SLC35F1: variants seen among roughly 807,000 people sequenced by gnomAD.
The protein encoded by SLC35F1 is chromosome 6 open reading frame 169.
A neutral mutation model predicts 48.7 loss-of-function variants in SLC35F1; 14 were observed. That is an observed-to-expected ratio of 0.29 (90% CI 0.19 to 0.45). The LOEUF (loss-of-function observed/expected upper bound fraction) is 0.45. Ranked by LOEUF, SLC35F1 falls within the 20% of genes least tolerant of loss-of-function variation. SLC35F1 has a pLI of 1.00. For synonymous variants in SLC35F1, 190 were observed against 202.2 expected (o/e 0.94, Z 0.51); for missense variants, 404 against 500.0 (o/e 0.81, Z 1.83).
At chr6:118,089,927 A>G (rs998961370) in intron 1 of SLC35F1, among the ~76,000 whole-genome samples, 2 of 152,250 alleles carry the variant, frequency 1.3e-5, no homozygotes, top group African/African-American at 4.8e-5. Context: ...AAAAGCTATA[A>G]TGGTCCCATA....
At chr6:118,289,469 T>A (rs1776090935) in intron 7 of SLC35F1, among the ~76,000 whole-genome samples, 1 of 152,202 alleles carries the variant, frequency 6.6e-6, no homozygotes. Flanking sequence ...GCAATATATA[T>A]CCATTGTAAG....
chr6:118,052,242 A>G (rs1483020174), intron 1 of SLC35F1, among the ~76,000 whole-genome samples: 1 of 152,136 alleles, frequency 6.6e-6, no homozygotes, highest in African/African-American at 2.4e-5. Flanking sequence ...ACAACTCACC[A>G]TGTAAAAAGA....
intron 2 of SLC35F1, among the ~76,000 whole-genome samples, chr6:118,177,466 A>T (rs1312756898): frequency 6.6e-6 from 1 of 152,152 alleles, no homozygotes; most frequent in Non-Finnish European, 1.5e-5. Context: ...CCTTCCTGCT[A>T]CATGGAATAG....
intron 1 of SLC35F1, 108 bp downstream of exon 1, chr6:117,908,007 C>G (rs1775715529): frequency 1.8e-6 from 2 of 1,095,996 alleles, no homozygotes; most frequent in East Asian, 6.8e-5. Context: ...GACGGGGTTG[C>G]GGCCGGAGGA....
intron 1 of SLC35F1, among the ~76,000 whole-genome samples, chr6:118,116,103 G>A (rs1037790250): frequency 1.3e-5 from 2 of 152,168 alleles, no homozygotes; most frequent in African/African-American, 4.8e-5. Flanking sequence ...ATTTCAAACT[G>A]TCCTTTTGTA....
chr6:118,055,759 T>C (rs559390270), intron 1 of SLC35F1, among the ~76,000 whole-genome samples: 2 of 152,302 alleles, frequency 1.3e-5, no homozygotes, highest in South Asian at 4.1e-4. Context: ...TTAACCCAAC[T>C]GCAAGGAAGA....
At position 117,923,646 on chromosome 6, in the gene SLC35F1, C is replaced by CATATATACATATGTAT. The variant is rs1178826026; in HGVS notation, c.173+15751_173+15752insATACATATGTATATAT. On this transcript the variant is annotated intron_variant, in intron 1 of 7. Coordinates refer to ENST00000360388, the MANE Select transcript of SLC35F1 (RefSeq NM_001029858.4). ...ATATATACATATATGTACATATGTA[C>CATATATACATATGTAT]ATATGTACATATGTATATATACATA... Among the ~76,000 whole-genome samples, 4 of 102,010 alleles carry CATATATACATATGTAT rather than the reference C, an allele frequency of 3.9e-5. 1 individual carries two copies. Among genetic ancestry groups the CATATATACATATGTAT allele is most frequent in the Non-Finnish European group, 7.6e-5 (4 of 52,478 alleles). 66.9% of individuals were successfully genotyped at this position (102,010 alleles called of 152,430 possible).
At chr6:118,269,596 T>TA (rs1293536480) in intron 4 of SLC35F1, among the ~76,000 whole-genome samples, 1 of 152,192 alleles carries the variant, frequency 6.6e-6, no homozygotes, top group African/African-American at 2.4e-5. Flanking sequence ...AATAGAATCC[T>TA]AAAATTGTTA....
chr6:118,051,384 C>T (rs1772388944), intron 1 of SLC35F1, among the ~76,000 whole-genome samples: 1 of 152,080 alleles, frequency 6.6e-6, no homozygotes, highest in Admixed American at 6.6e-5. Context: ...TTGCTCAGTA[C>T]CTCACTGAAT....
intron 1 of SLC35F1, among the ~76,000 whole-genome samples, chr6:117,991,771 A>G (rs1417445383): frequency 6.6e-6 from 1 of 152,220 alleles, no homozygotes; most frequent in Non-Finnish European, 1.5e-5. Context: ...GGAATAAAAA[A>G]CTTGTCTCAC....
intron 1 of SLC35F1, among the ~76,000 whole-genome samples, chr6:118,065,528 A>T (rs1427750088): frequency 1.3e-5 from 2 of 152,188 alleles, no homozygotes; most frequent in Non-Finnish European, 2.9e-5. Context: ...ACATGTACCA[A>T]CATATCACAT....
intron 2 of SLC35F1, among the ~76,000 whole-genome samples, chr6:118,156,962 G>T (rs1290354206): frequency 1.3e-5 from 2 of 152,092 alleles, no homozygotes; most frequent in Admixed American, 1.3e-4. Flanking sequence ...GGCTAAAAAA[G>T]CTTAGAAGAT....
At chr6:118,185,748 CT>C (rs1348422303) in intron 2 of SLC35F1, among the ~76,000 whole-genome samples, 5 of 152,128 alleles carry the variant, frequency 3.3e-5, no homozygotes, top group African/African-American at 1.2e-4. Flanking sequence ...GCCACAGTCT[CT>C]GTTACTCATC....
intron 1 of SLC35F1, among the ~76,000 whole-genome samples, chr6:118,114,722 C>G (rs1364028803): frequency 6.6e-6 from 1 of 152,162 alleles, no homozygotes; most frequent in Admixed American, 6.5e-5. Flanking sequence ...GAAACTCTTT[C>G]AACTCTTGCC....
intron 1 of SLC35F1, among the ~76,000 whole-genome samples, chr6:117,950,184 A>C (rs183702560): frequency 6.6e-6 from 1 of 152,114 alleles, no homozygotes; most frequent in African/African-American, 2.4e-5. Flanking sequence ...GATCTTTCAC[A>C]TTCTTTCCTA....
In SLC35F1 at chr6:118,230,348, A is replaced by C. The variant is rs924201306; in HGVS notation, c.350-5161A>C. On this transcript the variant is annotated intron_variant, in intron 2 of 7. Coordinates refer to ENST00000360388, the MANE Select transcript of SLC35F1 (RefSeq NM_001029858.4). Reference sequence around the variant, plus strand: ...AGCAAGACTCCATCTACAAAAAAAAAAAAGAAGAAAAACAAGAAATATATG... The same window carrying C: ...AGCAAGACTCCATCTACAAAAAAAACAAAGAAGAAAAACAAGAAATATATG... Among the ~76,000 whole-genome samples, 6 of 152,162 alleles carry C rather than the reference A, an allele frequency of 3.9e-5. No individual in the cohort carries two copies. The East Asian group carries it at 9.6e-4, about 24-fold the overall frequency.
At chr6:117,924,111 G>T (rs1235998848) in intron 1 of SLC35F1, among the ~76,000 whole-genome samples, 1 of 101,330 alleles carries the variant, frequency 9.9e-6, no homozygotes, top group Non-Finnish European at 1.9e-5. Flanking sequence ...ACATGCATAT[G>T]TATATACACA....
At chr6:118,277,438 G>A in intron 5 of SLC35F1, 56 bp from the exon 6 acceptor site, 1 of 1,449,618 alleles carries the variant, frequency 6.9e-7, no homozygotes, top group Non-Finnish European at 9.7e-7. Flanking sequence ...AAGAAAGAAA[G>A]AAAGTAGAGT....
chr6:118,002,005 A>G (rs914174786), intron 1 of SLC35F1, among the ~76,000 whole-genome samples: 21 of 146,096 alleles, frequency 1.4e-4, no homozygotes, highest in African/African-American at 5.3e-4. Context: ...TGTTGGTGGG[A>G]CTGTAAACTA....
Sources: allele counts gnomAD v4.1 joint callset (sites outside exome capture counted in the v4.1 genomes callset), GRCh38; gene constraint gnomAD v4.1.1; transcripts MANE v1.5; gene names NCBI Gene and HGNC (gene_info 2026-07-23, HGNC 2026-07-21).